The following ANXA4 variants were observed in gnomAD, a reference collection of about 807,000 sequenced individuals.
ANXA4 encodes the protein annexin A4, also known as 35-beta calcimedin.
Under a neutral mutation model 49.8 loss-of-function variants are expected in ANXA4, and 39 were observed. The observed-to-expected ratio is 0.78, with a 90% CI of 0.61 to 1.02. The LOEUF (loss-of-function observed/expected upper bound fraction) is 1.02. Ranked by LOEUF, ANXA4 falls within the 50% of genes least tolerant of loss-of-function variation. The pLI is 0.00. For missense variants in ANXA4, 360 were observed against 410.1 expected (o/e 0.88, Z 1.05); for synonymous variants, 134 against 152.5 (o/e 0.88, Z 0.89).
Position 69,754,088 on chromosome 2 carries a change from C to G in ANXA4, c.-47+11913C>G, listed in dbSNP as rs151027570. On this transcript the variant is annotated intron_variant, in intron 1 of 12. Transcript: ENST00000394295. The stretch of plus-strand genomic sequence containing the variant: ...AGATATCATGGAATATCAGATCTGG[C>G]CTACCAGGAGTAATGCATGTTTGCA... Among the ~76,000 whole-genome samples the G allele has an allele frequency of 2.6e-5, 4 of 152,324 alleles. No individual in the cohort carries two copies. In the East Asian group the frequency reaches 7.7e-4, roughly 29 times the overall value.
chr2:69,820,892 C>A, intron 12 of ANXA4, 71 bp downstream of exon 12: 1 of 1,494,376 alleles, frequency 6.7e-7, no homozygotes, highest in Non-Finnish European at 9.1e-7. Context: ...GCATTTAGCA[C>A]TTGTTGTCCC....
chr2:69,716,038 A>G (rs2105416363), intron 2 of ANXA4, among the ~76,000 whole-genome samples: 1 of 152,342 alleles, frequency 6.6e-6, no homozygotes, highest in South Asian at 2.1e-4. Flanking sequence ...TGGGAGAAAG[A>G]AGCCTCACTC....
At chr2:69,658,399 C>CAAAAAA (rs754617600) in intron 2 of ANXA4, among the ~76,000 whole-genome samples, 1 of 74,594 alleles carries the variant, frequency 1.3e-5, no homozygotes, top group African/African-American at 4.1e-5. Flanking sequence ...GGTTCTGTCT[C>CAAAAAA]AAAAAAAAAA....
chr2:69,797,212 C>T (rs1672983337), intron 3 of ANXA4, among the ~76,000 whole-genome samples: 2 of 152,138 alleles, frequency 1.3e-5, no homozygotes, highest in South Asian at 4.1e-4. Context: ...ATAGAGGTTT[C>T]CTCGGTCTCC....
intron 3 of ANXA4, among the ~76,000 whole-genome samples, chr2:69,724,790 C>A (rs942431576): frequency 3.9e-5 from 6 of 152,204 alleles, no homozygotes; most frequent in Non-Finnish European, 5.9e-5. Context: ...CTCATTCGGC[C>A]ACGCTGCTCT....
intron 2 of ANXA4, among the ~76,000 whole-genome samples, chr2:69,696,535 A>G (rs779514287): frequency 3.3e-5 from 5 of 152,246 alleles, no homozygotes; most frequent in Non-Finnish European, 5.9e-5. Flanking sequence ...CTCATGAATC[A>G]TGAGTATTTA....
At chr2:69,673,004 G>A (rs1423403269) in intron 2 of ANXA4, among the ~76,000 whole-genome samples, 1 of 152,058 alleles carries the variant, frequency 6.6e-6, no homozygotes, top group Non-Finnish European at 1.5e-5. Context: ...TCATTAAAAA[G>A]TCGGGGAACA....
chr2:69,660,800 A>G (rs1034643837), intron 2 of ANXA4, among the ~76,000 whole-genome samples: 1 of 150,842 alleles, frequency 6.6e-6, no homozygotes, highest in Non-Finnish European at 1.5e-5. Context: ...GAGAGAGAGA[A>G]TATGAGTGAA....
chr2:69,683,935 A>T (rs1460212191), intron 2 of ANXA4, among the ~76,000 whole-genome samples: 1 of 152,212 alleles, frequency 6.6e-6, no homozygotes. Context: ...GGAACTATGC[A>T]TAAGGGCAAC....
chr2:69,804,356 G>A (rs1430374906), intron 3 of ANXA4, among the ~76,000 whole-genome samples, 177 bp from the exon 4 acceptor site: 3 of 152,098 alleles, frequency 2.0e-5, no homozygotes, highest in Non-Finnish European at 4.4e-5. Context: ...TAAAGGAGAG[G>A]CTAAGTCCCG....
At position 69,656,204 on chromosome 2, in the gene ANXA4, TAC is replaced by T. The variant is rs200516994; in HGVS notation, n.766+2930_766+2931del. On this transcript the variant is annotated intron_variant and non_coding_transcript_variant, in intron 2 of 3. Coordinates refer to the ANXA4 transcript ENST00000418066. Reference sequence around the variant, plus strand: ...ATATATATACGTATATATATATATATACACACACATATATATGTATATATGTA... The same window carrying T: ...ATATATATACGTATATATATATATATACACACATATATATGTATATATGTA... Among the ~76,000 whole-genome samples the T allele has an allele frequency of 0.025, 3,037 of 120,272 alleles. 287 individuals are homozygous for T. The East Asian group carries it at 0.32, about 13-fold the overall frequency. 78.9% of individuals were successfully genotyped at this position (120,272 alleles called of 152,430 possible). A position where few individuals can be genotyped will look rare whatever the true frequency, so the allele number is the denominator to read the frequency against.
At chr2:69,754,841 T>G (rs910981780) in intron 1 of ANXA4, among the ~76,000 whole-genome samples, 13 of 152,216 alleles carry the variant, frequency 8.5e-5, no homozygotes, top group Admixed American at 1.3e-4. Flanking sequence ...CTGGCTGTGT[T>G]TTGCACAGAG....
At chr2:69,761,604 T>A (rs1196410735) in intron 1 of ANXA4, among the ~76,000 whole-genome samples, 1 of 152,110 alleles carries the variant, frequency 6.6e-6, no homozygotes, top group African/African-American at 2.4e-5. Flanking sequence ...CAATTGTACA[T>A]CAGTAACGTG....
chr2:69,646,461 C>T (rs990760055), intron 1 of ANXA4, among the ~76,000 whole-genome samples: 4 of 152,132 alleles, frequency 2.6e-5, no homozygotes, highest in Admixed American at 2.6e-4. Context: ...TGACACAAAA[C>T]AGAGCTATCT....
chr2:69,722,602 C>G (rs1669843618), intron 3 of ANXA4, among the ~76,000 whole-genome samples: 1 of 151,418 alleles, frequency 6.6e-6, no homozygotes, highest in African/African-American at 2.4e-5. Flanking sequence ...TTAGAGGTTA[C>G]TAGGGTCTCG....
chr2:69,737,029 CT>C (rs1168770045), upstream of ANXA4, among the ~76,000 whole-genome samples: 8 of 148,996 alleles, frequency 5.4e-5, no homozygotes, highest in South Asian at 1.7e-3. Flanking sequence ...TCTTGAACTC[CT>C]GTCCTCAAGT....
At chr2:69,673,195 C>T (rs1573085269) in intron 2 of ANXA4, among the ~76,000 whole-genome samples, 1 of 152,248 alleles carries the variant, frequency 6.6e-6, no homozygotes, top group East Asian at 1.9e-4. Flanking sequence ...ACTATAAAGA[C>T]ACATGCACAG....
intron 2 of ANXA4, among the ~76,000 whole-genome samples, chr2:69,667,678 T>C (rs1676989656): frequency 6.6e-6 from 1 of 152,304 alleles, no homozygotes; most frequent in Admixed American, 6.5e-5. Context: ...TAGCATGTGA[T>C]CTATTCTTTA....
chr2:69,691,850 T>G (rs1316666435), intron 2 of ANXA4, among the ~76,000 whole-genome samples: 1 of 152,198 alleles, frequency 6.6e-6, no homozygotes, highest in Non-Finnish European at 1.5e-5. Context: ...GAAGGGGGAT[T>G]GGTTACTATT....
Sources: gnomAD v4.1 joint callset for allele counts (sites outside exome capture counted in the v4.1 genomes callset) on GRCh38, gnomAD v4.1.1 for gene constraint, MANE v1.5 for transcripts, NCBI Gene and HGNC (gene_info 2026-07-23, HGNC 2026-07-21) for gene names.